Variants in LRRC4C observed in about 807,000 individuals in gnomAD.
The protein encoded by LRRC4C is leucine-rich repeat-containing protein 4C.
LRRC4C carries 5 observed loss-of-function variants against 33.6 expected under a neutral mutation model. The observed-to-expected ratio is 0.15, with a 90% CI of 0.08 to 0.31. LRRC4C has a LOEUF of 0.31. LRRC4C is among the 10% of genes least tolerant of loss of function. LRRC4C has a pLI of 1.00. For missense variants in LRRC4C, 560 were observed against 796.7 expected, an observed-to-expected ratio of 0.70 and a Z score of 3.58; for synonymous variants, 329 against 302.0, an observed-to-expected ratio of 1.09 and a Z score of -0.93.
chr11:41,061,224 C>T (rs751903970), intron 1 of LRRC4C, among the ~76,000 whole-genome samples: 3 of 151,842 alleles, frequency 2.0e-5, no homozygotes, highest in Non-Finnish European at 2.9e-5. Flanking sequence ...AGATGCAAGG[C>T]GAGGGAGGAA....
At chr11:40,236,059 G>A (rs1865530263) in intron 5 of LRRC4C, among the ~76,000 whole-genome samples, 1 of 151,716 alleles carries the variant, frequency 6.6e-6, no homozygotes, top group African/African-American at 2.4e-5. Flanking sequence ...GCCAGTCACG[G>A]CTCACAGTGG....
intron 1 of LRRC4C, among the ~76,000 whole-genome samples, chr11:40,942,325 G>A (rs999948674): frequency 1.3e-5 from 2 of 152,144 alleles, no homozygotes; most frequent in African/African-American, 4.8e-5. Context: ...TATAATCCCA[G>A]CAAGAGGACA....
intron 1 of LRRC4C, among the ~76,000 whole-genome samples, chr11:41,406,783 C>T (rs949219996): frequency 1.3e-5 from 2 of 150,936 alleles, no homozygotes; most frequent in African/African-American, 4.9e-5. Context: ...AACTTAGGCA[C>T]TTAGTGTAGT....
At chr11:41,383,262 G>A (rs182146498) in intron 1 of LRRC4C, among the ~76,000 whole-genome samples, 45 of 152,224 alleles carry the variant, frequency 3.0e-4, no homozygotes, top group Non-Finnish European at 5.0e-4. Context: ...TAGTGAAAGT[G>A]TAGTTTTTCT....
chr11:40,725,679 A>G (rs151068223), intron 2 of LRRC4C, among the ~76,000 whole-genome samples: 317 of 152,360 alleles, frequency 2.1e-3, no homozygotes, highest in Non-Finnish European at 3.4e-3. Flanking sequence ...CATATAATGC[A>G]TAAAGAAACA....
chr11:41,110,896 C>A (rs1328301472), intron 1 of LRRC4C, among the ~76,000 whole-genome samples: 1 of 151,904 alleles, frequency 6.6e-6, no homozygotes. Context: ...ATCCGAGTAA[C>A]CTGGAGATCT....
intron 5 of LRRC4C, among the ~76,000 whole-genome samples, chr11:40,206,623 T>C (rs1863177868): frequency 6.6e-6 from 1 of 152,170 alleles, no homozygotes; most frequent in African/African-American, 2.4e-5. Flanking sequence ...TGAATGTACA[T>C]CTGATTGGAA....
At chr11:40,466,341 A>G (rs568173022) in intron 3 of LRRC4C, among the ~76,000 whole-genome samples, 1 of 152,016 alleles carries the variant, frequency 6.6e-6, no homozygotes, top group African/African-American at 2.4e-5. Context: ...TGATGGATAC[A>G]ATACAAGACT....
At chr11:40,538,693 T>G (rs1286424689) in intron 3 of LRRC4C, among the ~76,000 whole-genome samples, 1 of 152,030 alleles carries the variant, frequency 6.6e-6, no homozygotes, top group Non-Finnish European at 1.5e-5. Flanking sequence ...TACTCTAGTA[T>G]TTCTAGATCC....
intron 3 of LRRC4C, among the ~76,000 whole-genome samples, chr11:40,583,098 C>T (rs1258201667): frequency 6.6e-6 from 1 of 152,074 alleles, no homozygotes; most frequent in Non-Finnish European, 1.5e-5. Context: ...ATTAACCAAC[C>T]TCTCTTCATT....
At chr11:40,432,294 T>G (rs2137865619) in intron 3 of LRRC4C, among the ~76,000 whole-genome samples, 1 of 152,298 alleles carries the variant, frequency 6.6e-6, no homozygotes, top group Non-Finnish European at 1.5e-5. Flanking sequence ...ATCTCCATCA[T>G]CTTCTTGAAA....
chr11:40,952,799 C>T (rs1958756438), intron 1 of LRRC4C, among the ~76,000 whole-genome samples: 1 of 149,902 alleles, frequency 6.7e-6, no homozygotes, highest in South Asian at 2.1e-4. Context: ...TTATTTAAGG[C>T]TTCACTGAAT....
intron 3 of LRRC4C, among the ~76,000 whole-genome samples, chr11:40,352,383 A>C (rs1565303879): frequency 6.6e-6 from 1 of 151,998 alleles, no homozygotes; most frequent in Non-Finnish European, 1.5e-5. Flanking sequence ...AAAACTGATA[A>C]AATCTTTACA....
intron 1 of LRRC4C, among the ~76,000 whole-genome samples, chr11:41,454,492 T>C (rs2138673884): frequency 6.6e-6 from 1 of 152,226 alleles, no homozygotes; most frequent in Non-Finnish European, 1.5e-5. Flanking sequence ...GCTTAATAAA[T>C]ATGCATCCTT....
Position 40,334,327 on chromosome 11 carries a change from CAA to C in LRRC4C, c.-269-14608_-269-14607del, listed in dbSNP as rs76355969. 6.0e-5 allele frequency among the ~76,000 whole-genome samples: 8 copies of C among 133,292 alleles called. No homozygotes were observed. The East Asian group carries it at 1.7e-3, about 29-fold the overall frequency. 87.4% of individuals were successfully genotyped at this position (133,292 alleles called of 152,430 possible). ...TAATAATGGTTTCAGAAGATACCCA[CAA>C]AAAAAAAAAAGTAAGCCAATGGGTA... On this transcript the variant is annotated intron_variant, in intron 3 of 6. Transcript: ENST00000528697.
At chr11:40,947,767 T>G (rs189545887) in intron 1 of LRRC4C, among the ~76,000 whole-genome samples, 2 of 152,138 alleles carry the variant, frequency 1.3e-5, no homozygotes, top group Non-Finnish European at 2.9e-5. Context: ...ATCCTTCTCC[T>G]GCAAACTCTA....
chr11:41,237,880 CA>C (rs1948090174), intron 1 of LRRC4C, among the ~76,000 whole-genome samples: 2 of 152,180 alleles, frequency 1.3e-5, no homozygotes. Context: ...AAGCTTCCCA[CA>C]AATAAAACCT....
chr11:40,357,447 C>T (rs536208719), intron 3 of LRRC4C, among the ~76,000 whole-genome samples: 4 of 152,086 alleles, frequency 2.6e-5, no homozygotes, highest in Non-Finnish European at 5.9e-5. Flanking sequence ...TTCATTTAGC[C>T]TTTCACTTAA....
At chr11:40,494,548 C>T (rs1379260858) in intron 3 of LRRC4C, among the ~76,000 whole-genome samples, 2 of 151,882 alleles carry the variant, frequency 1.3e-5, no homozygotes, top group South Asian at 4.2e-4. Flanking sequence ...ATTATAGTTT[C>T]CTATGTTTCT....
Sources: allele counts gnomAD v4.1 joint callset (sites outside exome capture counted in the v4.1 genomes callset), GRCh38; gene constraint gnomAD v4.1.1; transcripts MANE v1.5; gene names NCBI Gene and HGNC (gene_info 2026-07-23, HGNC 2026-07-21).